NXPE2: variants seen among roughly 807,000 people sequenced by gnomAD.
The protein encoded by NXPE2 is neurexophilin and PC-esterase domain family member 2.
Under a neutral mutation model 34.4 loss-of-function variants are expected in NXPE2, and 34 were observed. The observed-to-expected ratio is 0.99, with a 90% confidence interval of 0.75 to 1.31. The LOEUF (loss-of-function observed/expected upper bound fraction) is 1.31, where lower values mean the gene tolerates loss of function less well. NXPE2 is among the 40% of genes most tolerant of loss of function. The pLI is 0.00. For missense variants in NXPE2, 649 were observed against 672.5 expected (o/e 0.97, Z 0.39); for synonymous variants, 235 against 231.3 (o/e 1.02, Z -0.15).
the NXPE2 span, among the ~76,000 whole-genome samples, chr11:114,557,536 C>T: frequency 6.6e-5 from 10 of 150,870 alleles, no homozygotes; most frequent in Admixed American, 3.3e-4. Context: ...AGTGATCCTT[C>T]TACCTTAGCC....
the NXPE2 span, chr11:114,582,818 G>T: frequency 6.2e-7 from 1 of 1,614,160 alleles, no homozygotes; most frequent in African/African-American, 1.3e-5. Context: ...TGGTGGCTGT[G>T]CTATGTGTGG....
intron 2 of NXPE2, among the ~76,000 whole-genome samples, chr11:114,687,538 G>T (rs776160292): frequency 2.0e-5 from 3 of 151,844 alleles, no homozygotes; most frequent in Non-Finnish European, 4.4e-5. Context: ...GTATAAAGTT[G>T]GACAATGTGA....
downstream of NXPE2, among the ~76,000 whole-genome samples, chr11:114,709,327 C>T (rs1015814522): frequency 3.9e-5 from 6 of 151,988 alleles, no homozygotes; most frequent in African/African-American, 1.2e-4. Context: ...TATCATTTTT[C>T]GTGGTGAGTA....
chr11:114,469,109 C>CTTTTTTTTTTTTTTT, the NXPE2 span, among the ~76,000 whole-genome samples: 5 of 88,864 alleles, frequency 5.6e-5, no homozygotes, highest in East Asian at 3.4e-4. Flanking sequence ...ACAGTGCTAG[C>CTTTTTTTTTTTTTTT]TTTTTTTTTT....
chr11:114,673,231 G>T, the NXPE2 span, among the ~76,000 whole-genome samples: 1 of 151,258 alleles, frequency 6.6e-6, no homozygotes, highest in Non-Finnish European at 1.5e-5. Context: ...AATAATCAAG[G>T]TGTCAAAGAA....
At chr11:114,679,888 G>A (rs982989719) in intron 2 of NXPE2, 126 bp downstream of exon 2, 1 of 594,418 alleles carries the variant, frequency 1.7e-6, no homozygotes, top group Non-Finnish European at 3.0e-6. Flanking sequence ...GTGGATCAGG[G>A]GTTCACTGTT....
the NXPE2 span, among the ~76,000 whole-genome samples, chr11:114,507,940 G>A: frequency 6.6e-6 from 1 of 152,216 alleles, no homozygotes; most frequent in South Asian, 2.1e-4. Flanking sequence ...TAGAAAGGGA[G>A]GAAGTCATAC....
rs1433096555 is a variant in NXPE2 at position 114,679,716 on chromosome 11, T to C, written c.86T>C (p.Ile29Thr). 5.2e-6 allele frequency: 8 copies of C among 1,550,702 alleles called. No homozygotes were observed. Among genetic ancestry groups the C allele is most frequent in the African/African-American group, 1.4e-5 (1 of 73,112 alleles). ...ARKLLLMLTF[I>T]LIFWIIYLAS... ...AAATTACTGCTGATGTTGACATTTATCTTAATTTTCTGGATCATTTACTTG... is the reference window on the plus strand; with the variant it reads ...AAATTACTGCTGATGTTGACATTTACCTTAATTTTCTGGATCATTTACTTG... The change falls in exon 2 of 6, where the codon ATC (isoleucine) becomes ACC (threonine). Residue 29 changes from isoleucine to threonine, a missense_variant. By Grantham distance (89) the Ile-to-Thr change is moderately conservative (BLOSUM62 -1). Coordinates refer to ENST00000389586, the MANE Select transcript of NXPE2 (RefSeq NM_182495.6).
At chr11:114,469,080 T>A in the NXPE2 span, among the ~76,000 whole-genome samples, 2 of 150,106 alleles carry the variant, frequency 1.3e-5, no homozygotes, top group African/African-American at 2.4e-5. Context: ...TCTGTTACAA[T>A]GTAAGGAGTA....
At chr11:114,614,191 T>C in the NXPE2 span, among the ~76,000 whole-genome samples, 4 of 146,596 alleles carry the variant, frequency 2.7e-5, no homozygotes, top group Non-Finnish European at 6.0e-5. Flanking sequence ...AGGGATATTA[T>C]CCACCATGTA....
chr11:114,532,267 C>T, the NXPE2 span, among the ~76,000 whole-genome samples: 1 of 152,074 alleles, frequency 6.6e-6, no homozygotes, highest in Non-Finnish European at 1.5e-5. Flanking sequence ...TTGAAAAAAC[C>T]TTGGCAAAGC....
chr11:114,645,156 G>T, the NXPE2 span, among the ~76,000 whole-genome samples: 28 of 152,052 alleles, frequency 1.8e-4, no homozygotes, highest in Non-Finnish European at 3.4e-4. Flanking sequence ...ACAAAAATTA[G>T]CTGGGCGTGA....
the NXPE2 span, among the ~76,000 whole-genome samples, chr11:114,509,701 A>G: frequency 6.6e-6 from 1 of 152,184 alleles, no homozygotes; most frequent in Non-Finnish European, 1.5e-5. Context: ...GTTCTCACTT[A>G]TAAGTGGAAG....
chr11:114,597,789 C>T, the NXPE2 span, among the ~76,000 whole-genome samples: 1 of 151,972 alleles, frequency 6.6e-6, no homozygotes, highest in African/African-American at 2.4e-5. Context: ...TGAAAGAGCT[C>T]CTGATGACCA....
chr11:114,562,764 T>C, the NXPE2 span, among the ~76,000 whole-genome samples: 2 of 152,188 alleles, frequency 1.3e-5, no homozygotes, highest in African/African-American at 4.8e-5. Context: ...TAGGAATTAA[T>C]CTAGCTTCAG....
chr11:114,465,269 TTATC>T, the NXPE2 span, among the ~76,000 whole-genome samples: 1 of 152,300 alleles, frequency 6.6e-6, no homozygotes, highest in South Asian at 2.1e-4. Context: ...ACTCCAGTAT[TTATC>T]ATCAGTAGAA....
the NXPE2 span, among the ~76,000 whole-genome samples, chr11:114,588,060 G>T: frequency 6.6e-6 from 1 of 152,154 alleles, no homozygotes; most frequent in Non-Finnish European, 1.5e-5. Context: ...TGCACAATCA[G>T]CTCAGCTCTT....
At chr11:114,718,997 C>A in the NXPE2 span, among the ~76,000 whole-genome samples, 1 of 152,312 alleles carries the variant, frequency 6.6e-6, no homozygotes, top group Non-Finnish European at 1.5e-5. Flanking sequence ...AATGATTATA[C>A]TAACATTAGA....
At chr11:114,484,216 T>G in the NXPE2 span, among the ~76,000 whole-genome samples, 1 of 152,216 alleles carries the variant, frequency 6.6e-6, no homozygotes, top group Non-Finnish European at 1.5e-5. Flanking sequence ...TCCAATTGAC[T>G]AATGGAATTA....
Sources: gnomAD v4.1 joint callset for allele counts (sites outside exome capture counted in the v4.1 genomes callset) on GRCh38, gnomAD v4.1.1 for gene constraint, MANE v1.5 for transcripts, NCBI Gene and HGNC (gene_info 2026-07-23, HGNC 2026-07-21) for gene names.